Variants in LPA observed in about 807,000 individuals in gnomAD.
The protein encoded by LPA is lipoprotein(a), also known as apolipoprotein(a).
In LPA, 199 loss-of-function variants were observed where a neutral mutation model predicts 197.9. The ratio of observed to expected loss-of-function variants is 1.01; its 90% confidence interval spans 0.90 to 1.13. LPA has a LOEUF of 1.13. LPA is among the 50% of genes most tolerant of loss of function. The pLI is 0.00. For synonymous variants in LPA, 715 were observed against 639.5 expected (o/e 1.12, Z -1.78); for missense variants, 1,853 against 1,785.8 (o/e 1.04, Z -0.68).
At chr6:160,662,553 A>G (rs1353995523) in intron 1 of LPA, among the ~76,000 whole-genome samples, 1 of 152,176 alleles carries the variant, frequency 6.6e-6, no homozygotes, top group Non-Finnish European at 1.5e-5. Flanking sequence ...GTGGCAGAGA[A>G]GTTTGTTCTA....
chr6:160,582,962 G>A (rs1778828635), intron 26 of LPA, among the ~76,000 whole-genome samples: 1 of 151,980 alleles, frequency 6.6e-6, no homozygotes, highest in South Asian at 2.1e-4. Flanking sequence ...TATCTAATAT[G>A]ATTATAAGGC....
chr6:160,555,521 A>G (rs1019976968), intron 30 of LPA, among the ~76,000 whole-genome samples: 1 of 148,050 alleles, frequency 6.8e-6, no homozygotes, highest in African/African-American at 2.5e-5. Flanking sequence ...ATATATGAAC[A>G]TATATATGAA....
At chr6:160,606,976 T>C (rs1286847313) in intron 16 of LPA, among the ~76,000 whole-genome samples, 8 of 152,308 alleles carry the variant, frequency 5.3e-5, no homozygotes, top group Non-Finnish European at 7.3e-5. Context: ...TCCATCTCTC[T>C]GGAATAACTG....
intron 28 of LPA, among the ~76,000 whole-genome samples, chr6:160,558,764 G>A (rs190751699): frequency 3.8e-4 from 58 of 152,298 alleles, no homozygotes; most frequent in Non-Finnish European, 4.4e-5. Context: ...GGACCCTGGG[G>A]TGGAGGGATC....
chr6:160,596,106 C>T (rs561081475), intron 20 of LPA, among the ~76,000 whole-genome samples: 1 of 152,294 alleles, frequency 6.6e-6, no homozygotes, highest in East Asian at 1.9e-4. Context: ...GATTAACATT[C>T]CTGAATTTAT....
At chr6:160,648,621 A>T (rs7770685) in intron 2 of LPA, among the ~76,000 whole-genome samples, 28,662 of 151,692 alleles carry the variant, frequency 0.19, 3,542 homozygotes, top group East Asian at 0.42. Context: ...TGTGTTTTGT[A>T]TGTGTGTATC....
intron 25 of LPA, 134 bp from the exon 26 acceptor site, chr6:160,585,339 G>T (rs1300654542): frequency 3.1e-5 from 26 of 844,040 alleles, no homozygotes; most frequent in Non-Finnish European, 5.2e-5. Flanking sequence ...AAATTGAAAT[G>T]TAGAATAAAA....
chr6:160,574,050 T>C (rs953305977), intron 28 of LPA, among the ~76,000 whole-genome samples: 3 of 152,252 alleles, frequency 2.0e-5, no homozygotes, highest in African/African-American at 7.2e-5. Context: ...GAGCTCAGAC[T>C]TTCCTTGGGC....
chr6:160,555,455 A>ATATATATGTG (rs1287454419), intron 30 of LPA, among the ~76,000 whole-genome samples: 107 of 133,074 alleles, frequency 8.0e-4, no homozygotes, highest in African/African-American at 2.9e-3. Context: ...ATATATATAT[A>ATATATATGTG]TGTGTGTGTA....
intron 26 of LPA, among the ~76,000 whole-genome samples, chr6:160,580,927 T>G (rs993628868): frequency 6.6e-6 from 1 of 152,214 alleles, no homozygotes; most frequent in South Asian, 2.1e-4. Flanking sequence ...GTCCACATTA[T>G]CATTTGTTTT....
intron 24 of LPA, among the ~76,000 whole-genome samples, chr6:160,587,801 T>TGTTTCTG (rs1562333102): frequency 0.077 from 6,072 of 78,778 alleles, 139 homozygotes; most frequent in Non-Finnish European, 0.097. Context: ...GTGTGTGTGT[T>TGTTTCTG]TCTGTCTGTT....
Position 160,606,377 on chromosome 6 carries a change from A to G in LPA, c.2785+100T>C, listed in dbSNP as rs552906175. On this transcript the variant is annotated intron_variant, in intron 17 of 38. Coordinates refer to ENST00000316300, the MANE Select transcript of LPA (RefSeq NM_005577.4). ...CATGACAGAACTCAGTCAACACTCG[A>G]GCATCCGTTTACCATTGGAGGCTGC... is the stretch of plus-strand genomic sequence containing the variant. The G allele has an allele frequency of 5.9e-5, 89 of 1,506,542 alleles. No homozygotes were observed. The East Asian group carries it at 1.4e-3, about 23-fold the overall frequency. 93.3% of individuals were successfully genotyped at this position (1,506,542 alleles called of 1,614,324 possible). A position where few individuals can be genotyped will look rare whatever the true frequency, so the allele number is the denominator to read the frequency against.
chr6:160,558,324 C>T (rs1778304271), intron 28 of LPA, among the ~76,000 whole-genome samples: 2 of 152,142 alleles, frequency 1.3e-5, no homozygotes, highest in African/African-American at 2.4e-5. Flanking sequence ...ATATATATTA[C>T]TTCAGGGAAG....
chr6:160,555,237 T>C (rs1778234211), intron 30 of LPA, among the ~76,000 whole-genome samples: 1 of 110,958 alleles, frequency 9.0e-6, no homozygotes, highest in African/African-American at 3.5e-5. Flanking sequence ...TTATATATAT[T>C]AATTATATTA....
Position 160,610,965 on chromosome 6 carries a change from T to C in LPA, c.2603+597A>G, listed in dbSNP as rs990233635. ...GGTCAGACCAGGGCTTCTATCCATC[T>C]ACCCATCCCTTTTACTTTTCAGCAT... On this transcript the variant is annotated intron_variant, in intron 16 of 38. Transcript: ENST00000316300. 7.2e-5 allele frequency among the ~76,000 whole-genome samples: 11 copies of C among 152,154 alleles called. No homozygotes were observed. The East Asian group carries it at 1.3e-3, about 19-fold the overall frequency.
chr6:160,553,919 T>TTCTC (rs969332451), intron 30 of LPA, among the ~76,000 whole-genome samples: 1 of 111,326 alleles, frequency 9.0e-6, no homozygotes, highest in Non-Finnish European at 2.1e-5. Flanking sequence ...CTCTCTCTCT[T>TTCTC]TCTCTCTCTC....
At chr6:160,608,973 C>A (rs1013197650) in intron 16 of LPA, among the ~76,000 whole-genome samples, 2 of 151,946 alleles carry the variant, frequency 1.3e-5, no homozygotes, top group African/African-American at 4.8e-5. Flanking sequence ...GGCAGCCATC[C>A]AGTAATTTTT....
intron 28 of LPA, among the ~76,000 whole-genome samples, chr6:160,576,581 A>T (rs1778683407): frequency 6.9e-6 from 1 of 145,896 alleles, no homozygotes; most frequent in Admixed American, 7.0e-5. Flanking sequence ...ATGAAATATT[A>T]AAAATATATA....
In LPA at chr6:160,589,683, C is replaced by A. The variant is rs1434674471; in HGVS notation, c.3817G>T (p.Asp1273Tyr). ...APTEQSPTVQDCYHGDGQSYR... is the reference protein window; with the variant it reads ...APTEQSPTVQYCYHGDGQSYR... ...CTCTGTCCATCACCATGGTAGCAGTCCTGGACTGTGGGGCTTTGCTCCGTT... is the reference window on the plus strand; with the variant it reads ...CTCTGTCCATCACCATGGTAGCAGTACTGGACTGTGGGGCTTTGCTCCGTT... Residue 1273 changes from aspartate to tyrosine, a missense_variant, in exon 24 of 39, where the codon GAC (aspartate) becomes TAC (tyrosine). Transcript: ENST00000316300. 6.2e-7 allele frequency: 1 copy of A among 1,613,884 alleles called. No individual in the cohort carries two copies. Among genetic ancestry groups the A allele is most frequent in the South Asian group, 1.1e-5 (1 of 91,074 alleles).
Sources: gnomAD v4.1 joint callset for allele counts (sites outside exome capture counted in the v4.1 genomes callset) on GRCh38, gnomAD v4.1.1 for gene constraint, MANE v1.5 for transcripts, NCBI Gene and HGNC (gene_info 2026-07-23, HGNC 2026-07-21) for gene names.